Variants in SEMA5A observed in about 807,000 individuals in gnomAD.
The protein encoded by SEMA5A is semaphorin-5A.
In SEMA5A, 55 loss-of-function variants were observed where a neutral mutation model predicts 135.5. The ratio of observed to expected loss-of-function variants is 0.41; its 90% CI spans 0.33 to 0.51. SEMA5A has a LOEUF of 0.51. Ranked by LOEUF, SEMA5A falls within the 20% of genes least tolerant of loss-of-function variation. The probability of loss-of-function intolerance (pLI) is 0.37; values close to 1 mark genes in which losing one functional copy is unlikely to be tolerated. For missense variants in SEMA5A, 1,290 were observed against 1,419.9 expected (o/e 0.91, Z 1.47); for synonymous variants, 580 against 546.5 (o/e 1.06, Z -0.85).
intron 21 of SEMA5A, among the ~76,000 whole-genome samples, chr5:9,045,013 A>G (rs1736174920): frequency 6.6e-6 from 1 of 152,064 alleles, no homozygotes; most frequent in African/African-American, 2.4e-5. Context: ...TCAAACTCCC[A>G]ACCTCAGATG....
chr5:9,502,700 G>A (rs1735660359), intron 1 of SEMA5A, among the ~76,000 whole-genome samples: 1 of 152,132 alleles, frequency 6.6e-6, no homozygotes, highest in Admixed American at 6.5e-5. Flanking sequence ...GAGGCCTTTA[G>A]CACTGCAGTC....
intron 1 of SEMA5A, among the ~76,000 whole-genome samples, chr5:9,495,614 A>G (rs1186752507): frequency 6.6e-6 from 1 of 152,218 alleles, no homozygotes; most frequent in African/African-American, 2.4e-5. Flanking sequence ...CCAGCCCCTC[A>G]ACAAGACTAT....
chr5:9,339,043 T>C (rs1221859652), intron 3 of SEMA5A, among the ~76,000 whole-genome samples: 1 of 152,180 alleles, frequency 6.6e-6, no homozygotes, highest in Non-Finnish European at 1.5e-5. Context: ...ATGTATATGA[T>C]AGCTTGATTT....
chr5:9,071,749 C>G (rs1451482251), intron 16 of SEMA5A, among the ~76,000 whole-genome samples: 1 of 152,178 alleles, frequency 6.6e-6, no homozygotes, highest in Non-Finnish European at 1.5e-5. Flanking sequence ...TCATCTCATC[C>G]ACAACTGAAT....
intron 16 of SEMA5A, among the ~76,000 whole-genome samples, chr5:9,090,771 C>A (rs1453651548): frequency 6.6e-6 from 1 of 152,306 alleles, no homozygotes; most frequent in African/African-American, 2.4e-5. Context: ...CCAAGAGTCT[C>A]CATTCGTCCC....
rs748703578 is a variant in SEMA5A, at chr5:9,258,803, C to CTTTTTTTTTTTTTTTTTTTTT, written c.271-20934_271-20914dup. On this transcript the variant is annotated intron_variant, in intron 5 of 22. Transcript: ENST00000382496. ...ATTATTTGTCTTTTCTTCTTTCTTT[C>CTTTTTTTTTTTTTTTTTTTTT]TTTTTTTTTTTTTTTTTTTTTTTTT... Among the ~76,000 whole-genome samples the CTTTTTTTTTTTTTTTTTTTTT allele has an allele frequency of 3.7e-4, 18 of 48,992 alleles. 2 individuals are homozygous for CTTTTTTTTTTTTTTTTTTTTT. Among genetic ancestry groups the CTTTTTTTTTTTTTTTTTTTTT allele is most frequent in the South Asian group, 2.0e-3 (2 of 1,024 alleles). The allele number at this position is 48,992 out of a possible 152,430, so 32.1% of individuals were successfully genotyped here.
intron 1 of SEMA5A, among the ~76,000 whole-genome samples, chr5:9,448,832 T>A (rs1369971099): frequency 6.6e-6 from 1 of 152,226 alleles, no homozygotes; most frequent in African/African-American, 2.4e-5. Context: ...CTGGCTTTTC[T>A]GTTTCTCCCA....
chr5:9,038,388 T>C lies in SEMA5A; in HGVS notation c.*4509A>G, dbSNP rs886645751. ...CTTGAGATAGAAATGCTGAGGTCAA[T>C]GGAGTTACCCCCAATGACACACACA... On this transcript the variant is annotated 3_prime_UTR_variant, in exon 23 of 23. Coordinates refer to ENST00000382496, the MANE Select transcript of SEMA5A (RefSeq NM_003966.3). The C allele has an allele frequency of 6.6e-6, 1 of 152,058 alleles. No individual in the cohort carries two copies. Among genetic ancestry groups the C allele is most frequent in the Non-Finnish European group, 1.5e-5 (1 of 68,020 alleles). The allele number at this position is 152,058 out of a possible 1,614,324, so 9.4% of individuals were successfully genotyped here.
chr5:9,511,422 G>A (rs376741205), intron 1 of SEMA5A: 30 of 152,204 alleles, frequency 2.0e-4, no homozygotes, highest in African/African-American at 4.3e-4. Flanking sequence ...TAATTCCAAC[G>A]GTGAAAACTA....
At chr5:9,414,261 G>A (rs1383000366) in intron 2 of SEMA5A, among the ~76,000 whole-genome samples, 1 of 152,154 alleles carries the variant, frequency 6.6e-6, no homozygotes, top group Non-Finnish European at 1.5e-5. Flanking sequence ...TGAAGCATAA[G>A]ACATGGAAAA....
chr5:9,352,579 G>C (rs1367086452), intron 3 of SEMA5A, among the ~76,000 whole-genome samples: 1 of 152,126 alleles, frequency 6.6e-6, no homozygotes, highest in Admixed American at 6.5e-5. Flanking sequence ...TAGTGATTGT[G>C]TTCGAGAAGC....
chr5:9,337,849 TG>T, intron 3 of SEMA5A, 37 bp from the exon 4 acceptor site: 3 of 1,435,166 alleles, frequency 2.1e-6, no homozygotes, highest in Non-Finnish European at 2.9e-6. Context: ...AAGATAAAAA[TG>T]AATTATTTTT....
At chr5:9,401,205 C>A (rs1250876685) in intron 2 of SEMA5A, among the ~76,000 whole-genome samples, 2 of 152,170 alleles carry the variant, frequency 1.3e-5, no homozygotes, top group African/African-American at 4.8e-5. Context: ...CTGGAAGACC[C>A]AGTGAGCATG....
At chr5:9,236,048 G>A (rs1162189350) in intron 6 of SEMA5A, among the ~76,000 whole-genome samples, 2 of 152,200 alleles carry the variant, frequency 1.3e-5, no homozygotes, top group Non-Finnish European at 2.9e-5. Flanking sequence ...CAGGTCTTGT[G>A]AGACTTATTC....
intron 3 of SEMA5A, among the ~76,000 whole-genome samples, chr5:9,360,820 A>G (rs1247932935): frequency 6.6e-6 from 1 of 152,120 alleles, no homozygotes; most frequent in Non-Finnish European, 1.5e-5. Flanking sequence ...TCATTTTATA[A>G]TTTTCTTTAT....
intron 15 of SEMA5A, among the ~76,000 whole-genome samples, chr5:9,113,442 A>G (rs1389645233): frequency 2.0e-5 from 3 of 152,208 alleles, no homozygotes; most frequent in East Asian, 1.9e-4. Flanking sequence ...CTGAACATCA[A>G]AACAGATGGT....
At chr5:9,226,270 A>T (rs1439851759) in intron 7 of SEMA5A, among the ~76,000 whole-genome samples, 1 of 152,200 alleles carries the variant, frequency 6.6e-6, no homozygotes, top group African/African-American at 2.4e-5. Flanking sequence ...TATACCCTGA[A>T]TTAGGAAGAT....
chr5:9,280,772 A>G (rs1200333258), intron 5 of SEMA5A: 1 of 421,708 alleles, frequency 2.4e-6, no homozygotes, highest in Non-Finnish European at 4.7e-6. Context: ...AACATCACTG[A>G]CAACAGCAAT....
chr5:9,136,604 T>C lies in SEMA5A; in HGVS notation c.1499A>G (p.Gln500Arg), dbSNP rs781609553. ...YRTRSTCIGA[Q>R]DPYCGWDVVM... ...CACATCCCAGCCACAGTAAGGGTCC[T>C]GGGCCCCAATGCAGGTGCTGGAAAC... Residue 500 changes from glutamine (Q) to arginine (R), a missense_variant, in exon 13 of 23, where the codon CAG becomes CGG. Gln to Arg is a conservative substitution (Grantham distance 43). This residue lies in a region of SEMA5A where 1,029 missense variants were observed against 1,086.6 expected (regional missense o/e 0.95). Transcript: ENST00000382496. 1 of 1,614,028 alleles carries C rather than the reference T, an allele frequency of 6.2e-7. No individual in the cohort carries two copies. Among genetic ancestry groups the C allele is most frequent in the Non-Finnish European group, 8.5e-7 (1 of 1,179,908 alleles).
Sources: allele counts gnomAD v4.1 joint callset (sites outside exome capture counted in the v4.1 genomes callset), GRCh38; gene constraint gnomAD v4.1.1; regional missense constraint gnomAD v4.1.1; transcripts MANE v1.5; gene names NCBI Gene and HGNC (gene_info 2026-07-23, HGNC 2026-07-21).